CREB5: variants seen among roughly 807,000 people sequenced by gnomAD.
CREB5 encodes the protein cyclic AMP-responsive element-binding protein 5.
A neutral mutation model predicts 57.1 loss-of-function variants in CREB5; 19 were observed. The ratio of observed to expected loss-of-function variants is 0.33; its 90% CI spans 0.23 to 0.49. The LOEUF is 0.49. Ranked by LOEUF, CREB5 falls within the 20% of genes least tolerant of loss-of-function variation. The probability of loss-of-function intolerance (pLI) is 0.99; values close to 1 mark genes in which losing one functional copy is unlikely to be tolerated. For synonymous variants in CREB5, 238 were observed against 238.3 expected (o/e 1.00, Z 0.01); for missense variants, 579 against 671.6 (o/e 0.86, Z 1.52).
At chr7:28,310,591 G>A (rs1001991199) in intron 1 of CREB5, among the ~76,000 whole-genome samples, 2 of 152,234 alleles carry the variant, frequency 1.3e-5, no homozygotes, top group Admixed American at 6.5e-5. Context: ...AATTGCAAGT[G>A]CAGGGTGATA....
intron 1 of CREB5, among the ~76,000 whole-genome samples, chr7:28,405,217 C>T (rs113062228): frequency 1.4e-4 from 21 of 152,266 alleles, no homozygotes; most frequent in African/African-American, 3.1e-4. Flanking sequence ...CCCAATGGGA[C>T]GATAGCTAGA....
At chr7:28,468,753 A>G (rs1859021) in intron 1 of CREB5, among the ~76,000 whole-genome samples, 1 of 152,218 alleles carries the variant, frequency 6.6e-6, no homozygotes, top group Non-Finnish European at 1.5e-5. Context: ...TTGAGAGTCA[A>G]CCGCGTGCTA....
chr7:28,776,400 T>C (rs1302778967), intron 7 of CREB5, among the ~76,000 whole-genome samples: 2 of 152,034 alleles, frequency 1.3e-5, no homozygotes, highest in African/African-American at 4.8e-5. Flanking sequence ...TTCTCACCCA[T>C]TATATTCAGA....
rs537733089 is a variant in CREB5, at chr7:28,494,773, ATGT to A, written c.76-131_76-129del. The A allele has an allele frequency of 1.6e-3, 990 of 617,046 alleles. 7 individuals are homozygous for A. The African/African-American group carries it at 0.016, about 10-fold the overall frequency. The allele number at this position is 617,046 out of a possible 1,614,324, so 38.2% of individuals were successfully genotyped here. On this transcript the variant is annotated intron_variant, in intron 2 of 10. Coordinates refer to ENST00000357727, the MANE Select transcript of CREB5 (RefSeq NM_182898.4). ...ACTCATGCTTTCACACTTTTTCGAA[ATGT>A]TTTTTTTTTTTTGTTTTGCCTGTCA...
chr7:28,542,415 A>G (rs540613868), intron 4 of CREB5, among the ~76,000 whole-genome samples: 2 of 152,342 alleles, frequency 1.3e-5, no homozygotes, highest in South Asian at 2.1e-4. Flanking sequence ...TTACCTGCCA[A>G]TGTTCCTTTA....
At chr7:28,718,015 A>G (rs1213845482) in intron 5 of CREB5, among the ~76,000 whole-genome samples, 1 of 152,224 alleles carries the variant, frequency 6.6e-6, no homozygotes, top group Non-Finnish European at 1.5e-5. Flanking sequence ...AATTGAAGCA[A>G]AAGCTCAAAC....
chr7:28,504,580 C>G (rs553994743), intron 3 of CREB5, among the ~76,000 whole-genome samples: 2 of 152,248 alleles, frequency 1.3e-5, no homozygotes, highest in East Asian at 3.9e-4. Context: ...GGGAATAAAC[C>G]CATCTCAAAC....
chr7:28,714,467 G>A lies in CREB5; in HGVS notation c.465-4286G>A, dbSNP rs114113849. ...ACCTGAGAAAGGACAGCAGGGTGGA[G>A]AGACCCCTTCGCACCTTCCAGACGA... is the stretch of plus-strand genomic sequence containing the variant. On this transcript the variant is annotated intron_variant, in intron 5 of 10. Transcript: ENST00000357727. Among the ~76,000 whole-genome samples the A allele has an allele frequency of 4.1e-3, 626 of 152,310 alleles. 2 individuals carry two copies. Among genetic ancestry groups the A allele is most frequent in the African/African-American group, 0.014 (602 of 41,566 alleles).
At chr7:28,586,287 C>G (rs551019731) in intron 5 of CREB5, among the ~76,000 whole-genome samples, 2 of 152,092 alleles carry the variant, frequency 1.3e-5, no homozygotes, top group Admixed American at 6.5e-5. Context: ...GTGGCTGCCA[C>G]GACAGGAGGA....
intron 4 of CREB5, among the ~76,000 whole-genome samples, chr7:28,526,768 TC>T (rs1393340092): frequency 8.5e-5 from 13 of 152,170 alleles, no homozygotes; most frequent in Non-Finnish European, 1.9e-4. Context: ...TGCCTGGTGA[TC>T]CTGTCCTCCT....
chr7:28,668,386 G>A (rs1321663313), intron 5 of CREB5, among the ~76,000 whole-genome samples: 1 of 152,150 alleles, frequency 6.6e-6, no homozygotes, highest in Non-Finnish European at 1.5e-5. Flanking sequence ...CTCTGGACAT[G>A]TCAAAGTTTA....
At chr7:28,581,380 C>T (rs1404362402) in intron 5 of CREB5, among the ~76,000 whole-genome samples, 6 of 152,158 alleles carry the variant, frequency 3.9e-5, no homozygotes, top group East Asian at 1.9e-4. Flanking sequence ...ACAGAAGCTG[C>T]GCCTGGTGAA....
intron 7 of CREB5, among the ~76,000 whole-genome samples, chr7:28,727,851 G>A (rs181985859): frequency 6.6e-6 from 1 of 152,270 alleles, no homozygotes; most frequent in East Asian, 1.9e-4. Context: ...TTGATACTAG[G>A]AATGACAGTA....
chr7:28,691,391 G>A (rs1006331915), intron 5 of CREB5, among the ~76,000 whole-genome samples: 3 of 136,128 alleles, frequency 2.2e-5, no homozygotes, highest in Admixed American at 8.2e-5. Flanking sequence ...TTGCACTCCA[G>A]CCTGGGTGAC....
rs78777921 is a variant in CREB5, at chr7:28,325,033, C to T, written c.-25+25592C>T. Among the ~76,000 whole-genome samples the T allele has an allele frequency of 6.2e-3, 951 of 152,330 alleles. 3 individuals carry two copies. Among genetic ancestry groups the T allele is most frequent in the African/African-American group, 0.022 (897 of 41,572 alleles). On this transcript the variant is annotated intron_variant, in intron 1 of 9. Coordinates refer to the CREB5 transcript ENST00000396299. ...CTGCCCACTTCTTTTACCTCCAATGCATCACTCTACTACATACTGTCATCT... is the reference window on the plus strand; with the variant it reads ...CTGCCCACTTCTTTTACCTCCAATGTATCACTCTACTACATACTGTCATCT...
At chr7:28,591,595 G>C (rs1305650828) in intron 5 of CREB5, among the ~76,000 whole-genome samples, 1 of 152,162 alleles carries the variant, frequency 6.6e-6, no homozygotes, top group Admixed American at 6.5e-5. Context: ...TTTAGGACTG[G>C]ATGTTAGAAG....
chr7:28,740,637 T>C (rs536762500), intron 7 of CREB5, among the ~76,000 whole-genome samples: 1 of 152,208 alleles, frequency 6.6e-6, no homozygotes, highest in Non-Finnish European at 1.5e-5. Context: ...TGTAACATGA[T>C]GATGAGTGAA....
intron 5 of CREB5, among the ~76,000 whole-genome samples, chr7:28,636,595 C>A (rs1250778643): frequency 6.6e-6 from 1 of 152,146 alleles, no homozygotes; most frequent in Non-Finnish European, 1.5e-5. Context: ...TTGATAGATA[C>A]TACGCCTGCC....
At chr7:28,537,851 G>A (rs1794027570) in intron 4 of CREB5, among the ~76,000 whole-genome samples, 1 of 152,030 alleles carries the variant, frequency 6.6e-6, no homozygotes, top group South Asian at 2.1e-4. Flanking sequence ...ATACCGTTTG[G>A]GTTTCTACCC....
Sources: allele counts gnomAD v4.1 joint callset (sites outside exome capture counted in the v4.1 genomes callset), GRCh38; gene constraint gnomAD v4.1.1; transcripts MANE v1.5; gene names NCBI Gene and HGNC (gene_info 2026-07-23, HGNC 2026-07-21).